TACC3: variants seen among roughly 807,000 people sequenced by gnomAD.
The protein encoded by TACC3 is transforming acidic coiled-coil containing protein 3, also known as transforming acidic coiled-coil-containing protein 3.
In TACC3, 52 loss-of-function variants were observed where a neutral mutation model predicts 86.0. That is an observed-to-expected ratio of 0.60 (90% CI 0.48 to 0.76). TACC3 has a LOEUF of 0.76. Ranked by LOEUF, TACC3 falls within the 30% of genes least tolerant of loss-of-function variation. The probability of loss-of-function intolerance (pLI) is 0.00; values close to 1 mark genes in which losing one functional copy is unlikely to be tolerated. For missense variants in TACC3, 1,120 were observed against 1,070.4 expected, an observed-to-expected ratio of 1.05 and a Z score of -0.65; for synonymous variants, 512 against 430.0, an observed-to-expected ratio of 1.19 and a Z score of -2.36.
rs1718241591 is a variant in TACC3, at chr4:1,735,936, G to A, written c.1748+102G>A. 1.2e-6 allele frequency: 1 copy of A among 829,274 alleles called. No individual in the cohort carries two copies. Among genetic ancestry groups the A allele is most frequent in the Non-Finnish European group, 1.9e-6 (1 of 530,752 alleles). 51.4% of individuals were successfully genotyped at this position (829,274 alleles called of 1,614,324 possible). A position where few individuals can be genotyped will look rare whatever the true frequency, so the allele number is the denominator to read the frequency against. ...TGCACAGAGGCTTCTAGACCGGGGG[G>A]AGATGATCAGAACTGGAAAGGAGCT... On this transcript the variant is annotated intron_variant, in intron 8 of 15. Coordinates refer to ENST00000313288, the MANE Select transcript of TACC3 (RefSeq NM_006342.3). This position sits in a 1 kb window ranked among gnomAD's most constrained non-coding sequence, Gnocchi z 4.2.
chr4:1,728,816 G>A, intron 4 of TACC3, 29 bp downstream of exon 4: 1 of 1,569,412 alleles, frequency 6.4e-7, no homozygotes, highest in African/African-American at 1.4e-5. Context: ...TGGGGAGCGT[G>A]GCGTGGGGCA....
chr4:1,744,804 A>C lies in TACC3; in HGVS notation c.2423A>C (p.Gln808Pro). ...ASLRKEQMRI[Q>P]SLEKTVEQKT... ...CTGAGGAAGGAGCAGATGCGCATCC[A>C]GTCGCTGGAGAAGACAGTGGAGCAG... Residue 808 changes from glutamine to proline, a missense_variant, in exon 15 of 16, where the codon CAG becomes CCG. By Grantham distance (76) the Gln-to-Pro change is moderately conservative (BLOSUM62 -1). Coordinates refer to ENST00000313288, the MANE Select transcript of TACC3 (RefSeq NM_006342.3). 6.2e-7 allele frequency: 1 copy of C among 1,612,944 alleles called. No homozygotes were observed. Among genetic ancestry groups the C allele is most frequent in the Non-Finnish European group, 8.5e-7 (1 of 1,180,028 alleles).
At chr4:1,744,318 A>G in intron 13 of TACC3, 200 bp from the exon 14 acceptor site, 1 of 578,074 alleles carries the variant, frequency 1.7e-6, no homozygotes, top group South Asian at 2.2e-5. Flanking sequence ...CAGGGTGGAG[A>G]GCCAGGGCTG....
chr4:1,728,906 C>A, intron 4 of TACC3, 119 bp downstream of exon 4: 1 of 1,039,344 alleles, frequency 9.6e-7, no homozygotes, highest in Non-Finnish European at 1.4e-6. Context: ...GTAGGTTCTG[C>A]CTGAGGAGGG....
rs969597792 is a variant in TACC3, at chr4:1,735,897, C to T, written c.1748+63C>T. 8.3e-7 allele frequency: 1 copy of T among 1,199,594 alleles called. No homozygotes were observed. The highest frequency in any genetic ancestry group is 1.2e-6 in the Non-Finnish European group (1 of 836,600). 74.3% of individuals were successfully genotyped at this position (1,199,594 alleles called of 1,614,324 possible). On this transcript the variant is annotated intron_variant, in intron 8 of 15. Transcript: ENST00000313288. The surrounding 1 kb of genome is among the most constrained non-coding windows in gnomAD (Gnocchi z 4.2). ...AGTGTGGGAAGACTGGAGGCTGTTC[C>T]TAGGTGTGCTGTCTGCACAGAGGCT... is the stretch of plus-strand genomic sequence containing the variant.
chr4:1,742,735 G>A (rs1415863593), intron 13 of TACC3, among the ~76,000 whole-genome samples: 1 of 151,796 alleles, frequency 6.6e-6, no homozygotes, highest in African/African-American at 2.4e-5. Flanking sequence ...GGAAGTAGAG[G>A]TTGCAGTGAG....
chr4:1,722,159 C>T (rs868113585), intron 1 of TACC3, among the ~76,000 whole-genome samples: 49 of 152,198 alleles, frequency 3.2e-4, no homozygotes, highest in Admixed American at 2.4e-3. Context: ...ACCAAAGCAC[C>T]AGCCTGGGGC....
intron 13 of TACC3, among the ~76,000 whole-genome samples, chr4:1,744,207 A>G (rs1307871620): frequency 2.0e-5 from 3 of 152,186 alleles, no homozygotes; most frequent in Non-Finnish European, 4.4e-5. Context: ...CAGTGGTCCC[A>G]GGTGCATCCC....
Position 1,730,967 on chromosome 4 carries a change from G to C in TACC3, c.1461+5G>C. The C allele has an allele frequency of 1.2e-6, 2 of 1,613,478 alleles. No homozygotes were observed. The highest frequency in any genetic ancestry group is 1.7e-6 in the Non-Finnish European group (2 of 1,180,014). On this transcript the variant is annotated splice_donor_5th_base_variant and intron_variant, in intron 5 of 15. Coordinates refer to ENST00000313288, the MANE Select transcript of TACC3 (RefSeq NM_006342.3). ...ACCCCAACAGCAGAGAGCAAGGTAA[G>C]GGGTGCTTGTGTGGGTACCTGTGCT... is the stretch of plus-strand genomic sequence containing the variant.
chr4:1,743,321 G>A (rs564070517), intron 13 of TACC3, among the ~76,000 whole-genome samples: 275 of 150,114 alleles, frequency 1.8e-3, no homozygotes, highest in African/African-American at 6.2e-3. Context: ...TTGGGAGGCC[G>A]AGGCGGGTGG....
At chr4:1,724,298 C>G (rs927109950) in intron 3 of TACC3, among the ~76,000 whole-genome samples, 1 of 151,016 alleles carries the variant, frequency 6.6e-6, no homozygotes, top group South Asian at 2.1e-4. Context: ...CTCCTGAAAT[C>G]TGCACTGAGT....
At chr4:1,738,023 G>A (rs1335651612) in intron 10 of TACC3, 5 of 420,552 alleles carry the variant, frequency 1.2e-5, no homozygotes, top group South Asian at 5.9e-5. Flanking sequence ...CCCGAGTGTC[G>A]CCCCTTTCCT....
At chr4:1,729,306 G>A (rs143803359) in intron 4 of TACC3, among the ~76,000 whole-genome samples, 6 of 152,156 alleles carry the variant, frequency 3.9e-5, no homozygotes, top group Admixed American at 6.5e-5. Flanking sequence ...TTTTCTCCTC[G>A]TGTGCATAGA....
At chr4:1,726,252 C>T (rs1717682468) in intron 3 of TACC3, among the ~76,000 whole-genome samples, 2 of 152,196 alleles carry the variant, frequency 1.3e-5, no homozygotes, top group Admixed American at 1.3e-4. Flanking sequence ...TAGCAGGCGC[C>T]ATCCCAGGGA....
upstream of TACC3, chr4:1,720,641 AG>A: frequency 6.5e-7 from 1 of 1,541,668 alleles, no homozygotes; most frequent in Non-Finnish European, 8.7e-7. This position sits in a 1 kb window ranked among gnomAD's most constrained non-coding sequence, Gnocchi z 4.4. Context: ...ACCGAGCGGC[AG>A]CAGCGAGTGG....
intron 10 of TACC3, 63 bp from the exon 11 acceptor site, chr4:1,739,638 TG>T: frequency 1.4e-6 from 2 of 1,475,214 alleles, no homozygotes; most frequent in Non-Finnish European, 1.8e-6. Flanking sequence ...CCCCATCCTG[TG>T]GGGAGGTCCT....
intron 13 of TACC3, among the ~76,000 whole-genome samples, chr4:1,742,340 G>A (rs941858251): frequency 1.3e-5 from 2 of 152,214 alleles, no homozygotes; most frequent in Admixed American, 1.3e-4. Flanking sequence ...CTTCCCTCAG[G>A]TTGGGCTGTG....
intron 13 of TACC3, among the ~76,000 whole-genome samples, chr4:1,743,254 C>CAA (rs60854843): frequency 8.1e-4 from 85 of 104,646 alleles, no homozygotes; most frequent in African/African-American, 3.1e-3. Context: ...GACTCCGTCT[C>CAA]AAAAAAAAAA....
At position 1,723,854 on chromosome 4, in the gene TACC3, T is replaced by A. The variant is rs200043853; in HGVS notation, c.289T>A (p.Trp97Arg). The A allele has an allele frequency of 2.5e-6, 4 of 1,613,384 alleles. No homozygotes were observed. In the African/African-American group the frequency reaches 5.3e-5, roughly 21 times the overall value. ...TGGACTGGAAAACTCACACCCGGTC[T>A]GGACACAGAAAGAGAAGTAAGTGTT... is the stretch of plus-strand genomic sequence containing the variant. ...TLGLENSHPVWTQKENQQLIK... is the reference protein window; with the variant it reads ...TLGLENSHPVRTQKENQQLIK... Residue 97 changes from tryptophan (W) to arginine (R), a missense_variant, in exon 3 of 16, where the codon TGG becomes AGG. Physicochemically the swap from Trp to Arg is moderately radical, Grantham distance 101 (BLOSUM62 -3). Transcript: ENST00000313288.
Sources: allele counts gnomAD v4.1 joint callset (sites outside exome capture counted in the v4.1 genomes callset), GRCh38; gene constraint gnomAD v4.1.1; non-coding constraint Gnocchi (gnomAD v3.1); transcripts MANE v1.5; gene names NCBI Gene and HGNC (gene_info 2026-07-23, HGNC 2026-07-21).